Variants in ASCC3 observed in about 807,000 individuals in gnomAD.
The protein encoded by ASCC3 is ASC-1 complex subunit P200.
In ASCC3, 158 loss-of-function variants were observed where a neutral mutation model predicts 256.3. That is an observed-to-expected ratio of 0.62 (90% CI 0.54 to 0.70). The LOEUF (loss-of-function observed/expected upper bound fraction) is 0.70, where lower values mean the gene tolerates loss of function less well. Among genes scored for constraint, ASCC3 ranks in the 30% least tolerant of loss-of-function variants. ASCC3 has a pLI of 0.00. For synonymous variants in ASCC3, 948 were observed against 883.4 expected, an observed-to-expected ratio of 1.07 and a Z score of -1.30; for missense variants, 2,259 against 2,626.0, an observed-to-expected ratio of 0.86 and a Z score of 3.05.
chr6:100,842,807 C>T (rs1057119464), intron 4 of ASCC3, among the ~76,000 whole-genome samples: 1 of 151,970 alleles, frequency 6.6e-6, no homozygotes, highest in African/African-American at 2.4e-5. Context: ...CCTGTCTCTA[C>T]AAAACATTCT....
chr6:100,616,817 T>C (rs1009885081), intron 30 of ASCC3, among the ~76,000 whole-genome samples: 5 of 152,178 alleles, frequency 3.3e-5, no homozygotes, highest in Admixed American at 2.0e-4. Context: ...TATTTAACAG[T>C]GTGGCAGAAG....
intron 37 of ASCC3, among the ~76,000 whole-genome samples, chr6:100,523,717 C>T (rs1446631127): frequency 6.6e-6 from 1 of 152,174 alleles, no homozygotes; most frequent in East Asian, 1.9e-4. Flanking sequence ...CACATTTTTA[C>T]AGTGGTGTAA....
intron 4 of ASCC3, among the ~76,000 whole-genome samples, chr6:100,818,772 A>AG (rs1770893440): frequency 1.5e-5 from 2 of 131,932 alleles, no homozygotes; most frequent in Non-Finnish European, 3.3e-5. Flanking sequence ...AAAAAAAAAA[A>AG]GAAATATAAG....
At chr6:100,771,309 T>C (rs1025630259) in intron 8 of ASCC3, among the ~76,000 whole-genome samples, 18 of 152,188 alleles carry the variant, frequency 1.2e-4, no homozygotes, top group Non-Finnish European at 2.1e-4. Flanking sequence ...ATGTAAAGCC[T>C]GACAGTATAA....
At chr6:100,678,651 T>C in intron 14 of ASCC3, among the ~76,000 whole-genome samples, 1 of 152,026 alleles carries the variant, frequency 6.6e-6, no homozygotes, top group Middle Eastern at 3.2e-3. Flanking sequence ...ACGTTATATA[T>C]ATATATAAAA....
chr6:100,758,158 CA>C (rs1228818773), intron 10 of ASCC3, among the ~76,000 whole-genome samples: 16 of 152,080 alleles, frequency 1.1e-4, no homozygotes, highest in African/African-American at 3.9e-4. Context: ...AGGAAAATAT[CA>C]ACTCAAATGA....
intron 37 of ASCC3, among the ~76,000 whole-genome samples, chr6:100,522,386 G>C (rs1487900923): frequency 1.3e-5 from 2 of 151,990 alleles, no homozygotes; most frequent in Non-Finnish European, 2.9e-5. Context: ...AAAAACAATA[G>C]GGTTTTCATT....
intron 1 of ASCC3, among the ~76,000 whole-genome samples, chr6:100,870,891 T>C (rs1175858253): frequency 6.6e-6 from 1 of 152,182 alleles, no homozygotes; most frequent in Non-Finnish European, 1.5e-5. Context: ...CTTTATTATA[T>C]ATTGAAACTA....
chr6:100,627,851 A>G lies in ASCC3; in HGVS notation c.4512T>C (p.Asn1504=), dbSNP rs752182840. 3.1e-6 allele frequency: 5 copies of G among 1,613,716 alleles called. No homozygotes were observed. The highest frequency in any genetic ancestry group is 4.2e-6 in the Non-Finnish European group (5 of 1,179,784). ...ANARDLADWL[N]IKQMGLFNFR... ...TCAATCTTCTACATACCTGCTTAAT[A>G]TTGAGCCAATCAGCAAGGTCTCTGG... Residue 1504 remains asparagine, a synonymous_variant, in exon 28 of 42, where the codon AAT becomes AAC. Coordinates refer to ENST00000369162, the MANE Select transcript of ASCC3 (RefSeq NM_006828.4).
intron 13 of ASCC3, among the ~76,000 whole-genome samples, chr6:100,711,464 C>T (rs906862013): frequency 1.3e-5 from 2 of 152,148 alleles, no homozygotes; most frequent in African/African-American, 4.8e-5. Context: ...TGGTGGCTCA[C>T]GCCTGTAATC....
chr6:100,536,018 A>G (rs1293550918), intron 37 of ASCC3, among the ~76,000 whole-genome samples: 1 of 152,228 alleles, frequency 6.6e-6, no homozygotes, highest in Admixed American at 6.5e-5. Flanking sequence ...CATTTATAAA[A>G]TAACAGAAGA....
intron 4 of ASCC3, among the ~76,000 whole-genome samples, chr6:100,847,850 T>C (rs1364233205): frequency 2.6e-5 from 4 of 152,164 alleles, no homozygotes. Flanking sequence ...ACTCATTCAA[T>C]TTGTCCAGTA....
At chr6:100,754,382 A>G (rs1477923074) in intron 10 of ASCC3, among the ~76,000 whole-genome samples, 1 of 152,162 alleles carries the variant, frequency 6.6e-6, no homozygotes, top group Non-Finnish European at 1.5e-5. Context: ...TATGAGGTAC[A>G]TGAGATGTTT....
intron 1 of ASCC3, among the ~76,000 whole-genome samples, chr6:100,874,029 T>C (rs1404125156): frequency 6.6e-6 from 1 of 152,314 alleles, no homozygotes; most frequent in Non-Finnish European, 1.5e-5. Flanking sequence ...CTTCCCCAGG[T>C]TGAATGAGCA....
intron 3 of ASCC3, chr6:100,856,737 G>A (rs148965607): frequency 2.6e-5 from 4 of 152,146 alleles, no homozygotes; most frequent in East Asian, 1.9e-4. Flanking sequence ...AATATGTGTT[G>A]TATGGCTTCT....
Position 100,701,272 on chromosome 6 carries a change from C to T in ASCC3, c.2151+14190G>A, listed in dbSNP as rs887626839. On this transcript the variant is annotated intron_variant, in intron 13 of 41. Coordinates refer to ENST00000369162, the MANE Select transcript of ASCC3 (RefSeq NM_006828.4). Reference sequence around the variant, plus strand: ...ACTCCCACAATTCCTTTACTCATGGCGGTGGGTCTTTCCTGTGCTATTCTC... The same window carrying T: ...ACTCCCACAATTCCTTTACTCATGGTGGTGGGTCTTTCCTGTGCTATTCTC... Among the ~76,000 whole-genome samples, 8 of 152,186 alleles carry T rather than the reference C, an allele frequency of 5.3e-5. No homozygotes were observed. In the East Asian group the frequency reaches 1.2e-3, roughly 22 times the overall value.
chr6:100,581,821 C>A (rs992056926), intron 36 of ASCC3, among the ~76,000 whole-genome samples: 1 of 149,986 alleles, frequency 6.7e-6, no homozygotes, highest in Non-Finnish European at 1.5e-5. Flanking sequence ...GTTTTCCCAG[C>A]ACCATTTATT....
At chr6:100,579,822 A>G (rs949909483) in intron 36 of ASCC3, among the ~76,000 whole-genome samples, 3 of 151,906 alleles carry the variant, frequency 2.0e-5, no homozygotes, top group African/African-American at 7.3e-5. Flanking sequence ...CTCTTTTTGG[A>G]TCCATATAAA....
intron 36 of ASCC3, 44 bp from the exon 37 acceptor site, chr6:100,540,431 T>G: frequency 6.8e-7 from 1 of 1,464,108 alleles, no homozygotes; most frequent in Non-Finnish European, 9.5e-7. Context: ...CAAAGTATAA[T>G]AATTAATGTA....
Sources: gnomAD v4.1 joint callset for allele counts (sites outside exome capture counted in the v4.1 genomes callset) on GRCh38, gnomAD v4.1.1 for gene constraint, MANE v1.5 for transcripts, NCBI Gene and HGNC (gene_info 2026-07-23, HGNC 2026-07-21) for gene names.